The following PPP1R17 variants were observed in gnomAD, a reference collection of about 807,000 sequenced individuals.
PPP1R17 encodes G-substrate.
Under a neutral mutation model 15.9 loss-of-function variants are expected in PPP1R17, and 12 were observed. The ratio of observed to expected loss-of-function variants is 0.75; its 90% CI spans 0.48 to 1.22. PPP1R17 has a LOEUF of 1.22. Ranked by LOEUF, PPP1R17 falls within the 50% of genes most tolerant of loss-of-function variation. The pLI, the probability that PPP1R17 is intolerant of heterozygous loss-of-function variation, is 0.00. For synonymous variants in PPP1R17, 63 were observed against 64.5 expected (o/e 0.98, Z 0.11); for missense variants, 211 against 187.3 (o/e 1.13, Z -0.74).
At position 31,708,352 on chromosome 7, in the gene PPP1R17, C is replaced by CACAACTAAGAGT. The variant is rs1446802683; in HGVS notation, c.*1069_*1070insACAACTAAGAGT. 6.6e-6 allele frequency: 1 copy of CACAACTAAGAGT among 152,200 alleles called. No individual in the cohort carries two copies. The highest frequency in any genetic ancestry group is 1.9e-4 in the East Asian group (1 of 5,194). 9.4% of individuals were successfully genotyped at this position (152,200 alleles called of 1,614,324 possible). A position where few individuals can be genotyped will look rare whatever the true frequency, so the allele number is the denominator to read the frequency against. ...AACTAAGAGTGATAATTTGGTAGCT[C>CACAACTAAGAGT]TGTATGTATGCTGGTTCCAACTGTT... On this transcript the variant is annotated 3_prime_UTR_variant, in exon 5 of 5. Coordinates refer to ENST00000342032, the MANE Select transcript of PPP1R17 (RefSeq NM_006658.5).
At chr7:31,699,992 G>A (rs1024670400) in intron 4 of PPP1R17, among the ~76,000 whole-genome samples, 2 of 151,918 alleles carry the variant, frequency 1.3e-5, no homozygotes, top group African/African-American at 2.4e-5. Flanking sequence ...CCTATTCCAC[G>A]AGACACAAAG....
At chr7:31,705,917 T>A (rs985314981) in intron 4 of PPP1R17, among the ~76,000 whole-genome samples, 1 of 150,654 alleles carries the variant, frequency 6.6e-6, no homozygotes, top group African/African-American at 2.4e-5. Flanking sequence ...TGGCCCTTCT[T>A]GGCTGGTCCT....
At chr7:31,693,575 G>A (rs540302176) in intron 2 of PPP1R17, among the ~76,000 whole-genome samples, 274 of 152,224 alleles carry the variant, frequency 1.8e-3, no homozygotes, top group Non-Finnish European at 2.5e-3. Flanking sequence ...GTATAACACC[G>A]TTGTAGACTT....
chr7:31,702,894 T>C (rs575652959), intron 4 of PPP1R17, among the ~76,000 whole-genome samples: 27 of 152,326 alleles, frequency 1.8e-4, no homozygotes, highest in African/African-American at 6.5e-4. Flanking sequence ...TTGAAGACCT[T>C]CTAGGAGAAG....
Position 31,708,214 on chromosome 7 carries a change from G to C in PPP1R17, c.*931G>C, listed in dbSNP as rs1036128191. 6.6e-6 allele frequency: 1 copy of C among 152,232 alleles called. No individual in the cohort carries two copies. The highest frequency in any genetic ancestry group is 2.4e-5 in the African/African-American group (1 of 41,446). 9.4% of individuals were successfully genotyped at this position (152,232 alleles called of 1,614,324 possible). On this transcript the variant is annotated 3_prime_UTR_variant, in exon 5 of 5. Transcript: ENST00000342032. ...CTGTATATTGTCCTTGCCCCAGCCT[G>C]CAATCTGTGGATGCCCAGGGGAAGG...
intron 4 of PPP1R17, among the ~76,000 whole-genome samples, chr7:31,704,446 A>G (rs1792983616): frequency 6.6e-6 from 1 of 152,222 alleles, no homozygotes; most frequent in African/African-American, 2.4e-5. Context: ...ACAAGCAGCC[A>G]AGTTCCCTAA....
intron 4 of PPP1R17, among the ~76,000 whole-genome samples, chr7:31,705,195 A>T (rs1203506025): frequency 6.6e-6 from 1 of 152,178 alleles, no homozygotes; most frequent in Non-Finnish European, 1.5e-5. Flanking sequence ...CTGAAATCCC[A>T]GGAACTTTTG....
At chr7:31,694,939 G>A (rs116584992) in intron 2 of PPP1R17, among the ~76,000 whole-genome samples, 155 of 152,226 alleles carry the variant, frequency 1.0e-3, no homozygotes, top group African/African-American at 3.3e-3. Flanking sequence ...AGCCAGGAAC[G>A]GTGAAAAGAC....
Position 31,707,230 on chromosome 7 carries a change from C to A in PPP1R17, c.415C>A (p.Pro139Thr), listed in dbSNP as rs1439081757. The A allele has an allele frequency of 6.2e-6, 10 of 1,613,832 alleles. No individual in the cohort carries two copies. The highest frequency in any genetic ancestry group is 8.5e-6 in the Non-Finnish European group (10 of 1,179,930). Residue 139 changes from proline (P) to threonine (T), a missense_variant, in exon 5 of 5, where the codon CCC (proline) becomes ACC (threonine). Pro to Thr is a conservative substitution (Grantham distance 38). Coordinates refer to ENST00000342032, the MANE Select transcript of PPP1R17 (RefSeq NM_006658.5). ...TGTGACATTGCTCAGGGACGAGAGA[C>A]CCAAAGCAATCGTGGAAGATGACGA... is the stretch of plus-strand genomic sequence containing the variant. Reference protein sequence around the residue: ...AGVTLLRDERPKAIVEDDEKD... With the variant: ...AGVTLLRDERTKAIVEDDEKD...
chr7:31,691,696 T>C (rs1453995123), intron 1 of PPP1R17, among the ~76,000 whole-genome samples: 1 of 148,696 alleles, frequency 6.7e-6, no homozygotes, highest in South Asian at 2.1e-4. Flanking sequence ...TAAAGATCTA[T>C]CCAAAACCCA....
intron 1 of PPP1R17, among the ~76,000 whole-genome samples, chr7:31,691,836 C>G (rs1166237424): frequency 3.0e-5 from 4 of 134,068 alleles, no homozygotes; most frequent in Non-Finnish European, 6.7e-5. Flanking sequence ...AGCAAAAAAC[C>G]CACAACAGAA....
intron 2 of PPP1R17, among the ~76,000 whole-genome samples, chr7:31,694,459 T>C (rs991348041): frequency 6.6e-6 from 1 of 151,548 alleles, no homozygotes; most frequent in African/African-American, 2.4e-5. Flanking sequence ...ATTGAGAGAA[T>C]ATTAGTTTCT....
chr7:31,691,606 T>C (rs963799674), intron 1 of PPP1R17, among the ~76,000 whole-genome samples: 50 of 151,306 alleles, frequency 3.3e-4, no homozygotes, highest in Non-Finnish European at 6.8e-4. Flanking sequence ...CTCTGGAAAG[T>C]TCAATGAACT....
At position 31,707,533 on chromosome 7, in the gene PPP1R17, T is replaced by A. The variant is rs1330606615; in HGVS notation, c.*250T>A. The A allele has an allele frequency of 2.2e-6, 1 of 447,964 alleles. No individual in the cohort carries two copies. Among genetic ancestry groups the A allele is most frequent in the Non-Finnish European group, 3.9e-6 (1 of 253,840 alleles). The allele number at this position is 447,964 out of a possible 1,614,324, so 27.7% of individuals were successfully genotyped here. On this transcript the variant is annotated 3_prime_UTR_variant, in exon 5 of 5. Transcript: ENST00000342032. ...AATGCAGTGGAAAAGAAACAGATCA[T>A]CCTAAATGAGGAGGTAACAGGGAAA...
At chr7:31,705,837 C>T (rs1793043848) in intron 4 of PPP1R17, among the ~76,000 whole-genome samples, 1 of 151,950 alleles carries the variant, frequency 6.6e-6, no homozygotes, top group Non-Finnish European at 1.5e-5. Context: ...ACTGGCCTTC[C>T]ATCGCAGCTT....
chr7:31,694,797 T>C (rs139676812), intron 2 of PPP1R17, among the ~76,000 whole-genome samples: 1 of 152,244 alleles, frequency 6.6e-6, no homozygotes, highest in Non-Finnish European at 1.5e-5. Context: ...CCGTAACGAC[T>C]TCTGATAGAC....
chr7:31,692,553 T>C (rs199778524), intron 2 of PPP1R17, 30 bp downstream of exon 2: 8 of 1,559,462 alleles, frequency 5.1e-6, no homozygotes, highest in East Asian at 4.5e-5. Context: ...TGAATGTCAG[T>C]GGTGGAAGTC....
At chr7:31,688,730 G>C (rs973371484) in intron 1 of PPP1R17, among the ~76,000 whole-genome samples, 1 of 152,212 alleles carries the variant, frequency 6.6e-6, no homozygotes, top group African/African-American at 2.4e-5. Flanking sequence ...ATTAGTAAGA[G>C]GAAGTTACAA....
Position 31,695,454 on chromosome 7 carries a change from T to A in PPP1R17, c.83-15T>A, listed in dbSNP as rs1304314446. The A allele has an allele frequency of 1.9e-6, 3 of 1,589,484 alleles. No homozygotes were observed. Among genetic ancestry groups the A allele is most frequent in the Non-Finnish European group, 2.6e-6 (3 of 1,171,630 alleles). On this transcript the variant is annotated splice_polypyrimidine_tract_variant and intron_variant, in intron 2 of 4. Coordinates refer to ENST00000342032, the MANE Select transcript of PPP1R17 (RefSeq NM_006658.5). ...ATGTTATATTCTTTATTTCTTTGTA[T>A]CCTGTCAAAATTAGATGATCTTTCA...
Sources: gnomAD v4.1 joint callset for allele counts (sites outside exome capture counted in the v4.1 genomes callset) on GRCh38, gnomAD v4.1.1 for gene constraint, MANE v1.5 for transcripts, NCBI Gene and HGNC (gene_info 2026-07-23, HGNC 2026-07-21) for gene names.